Variants in DPP10 observed in about 807,000 individuals in gnomAD.
The protein encoded by DPP10 is dipeptidyl peptidase like 10.
Under a neutral mutation model 120.9 loss-of-function variants are expected in DPP10, and 33 were observed. That is an observed-to-expected ratio of 0.27 (90% CI 0.21 to 0.37). The LOEUF (loss-of-function observed/expected upper bound fraction) is 0.37, where lower values mean the gene tolerates loss of function less well. Among genes scored for constraint, DPP10 ranks in the 10% least tolerant of loss-of-function variants. The pLI is 1.00. For synonymous variants in DPP10, 337 were observed against 326.1 expected (o/e 1.03, Z -0.36); for missense variants, 816 against 942.8 (o/e 0.87, Z 1.76).
intron 1 of DPP10, among the ~76,000 whole-genome samples, chr2:115,013,091 C>T (rs923315465): frequency 1.3e-5 from 2 of 152,052 alleles, no homozygotes; most frequent in East Asian, 1.9e-4. Flanking sequence ...TTCATAGTGT[C>T]GATGGTCTTT....
intron 1 of DPP10, among the ~76,000 whole-genome samples, chr2:114,462,933 A>G (rs943360802): frequency 1.3e-5 from 2 of 152,148 alleles, no homozygotes; most frequent in Non-Finnish European, 2.9e-5. Context: ...GCCTACACCT[A>G]TCATTTTTGT....
intron 5 of DPP10, among the ~76,000 whole-genome samples, chr2:115,679,986 A>T (rs2090538191): frequency 6.6e-6 from 1 of 152,060 alleles, no homozygotes; most frequent in Admixed American, 6.6e-5. Flanking sequence ...AATCCTAAAG[A>T]GAGGATTTTG....
chr2:115,009,636 G>GA (rs1484329028), intron 1 of DPP10, among the ~76,000 whole-genome samples: 1 of 151,108 alleles, frequency 6.6e-6, no homozygotes, highest in East Asian at 1.9e-4. Flanking sequence ...ATATCCCTTG[G>GA]GCTAGGGGAG....
intron 1 of DPP10, among the ~76,000 whole-genome samples, chr2:115,280,359 T>C (rs2060108402): frequency 6.6e-6 from 1 of 152,170 alleles, no homozygotes; most frequent in African/African-American, 2.4e-5. Flanking sequence ...AATATGAGGC[T>C]GAGTAATGCA....
At chr2:115,764,669 T>A (rs989709329) in intron 12 of DPP10, among the ~76,000 whole-genome samples, 1 of 152,184 alleles carries the variant, frequency 6.6e-6, no homozygotes, top group African/African-American at 2.4e-5. Flanking sequence ...AATTTATGAA[T>A]GTTTAATAGA....
At position 115,808,917 on chromosome 2, in the gene DPP10, C is replaced by A. The variant is rs190891104; in HGVS notation, c.1701-5876C>A. Among the ~76,000 whole-genome samples, 28 of 152,204 alleles carry A rather than the reference C, an allele frequency of 1.8e-4. No homozygotes were observed. The South Asian group carries it at 2.3e-3, about 12-fold the overall frequency. On this transcript the variant is annotated intron_variant, in intron 19 of 25. Transcript: ENST00000410059. ...GAACTAGGAGATAGGGTCTTGGTAG[C>A]GGCATGAACAACCTTGATCGAATCA... is the stretch of plus-strand genomic sequence containing the variant.
intron 1 of DPP10, among the ~76,000 whole-genome samples, chr2:114,896,681 A>G (rs1262784704): frequency 6.6e-6 from 1 of 152,190 alleles, no homozygotes; most frequent in Non-Finnish European, 1.5e-5. Context: ...TCATCTGCAA[A>G]CAGGGACAAT....
intron 3 of DPP10, among the ~76,000 whole-genome samples, chr2:115,436,969 A>G (rs2071555976): frequency 6.6e-6 from 1 of 151,946 alleles, no homozygotes; most frequent in Admixed American, 6.6e-5. Context: ...GCAATTTCAC[A>G]AAGTATAAGA....
chr2:115,286,666 A>G (rs2060418030), intron 1 of DPP10, among the ~76,000 whole-genome samples: 1 of 149,314 alleles, frequency 6.7e-6, no homozygotes, highest in Non-Finnish European at 1.5e-5. Flanking sequence ...GTGTGGATTA[A>G]AAGTTTTGGA....
chr2:115,487,067 A>G lies in DPP10; in HGVS notation c.272-12443A>G, dbSNP rs139425654. On this transcript the variant is annotated intron_variant, in intron 3 of 25. Coordinates refer to ENST00000410059, the MANE Select transcript of DPP10 (RefSeq NM_020868.6). Reference sequence around the variant, plus strand: ...CTTTATCTTATTTACCAGGGATTTGATTCATTTTTTAAAACAACAGACAAA... The same window carrying G: ...CTTTATCTTATTTACCAGGGATTTGGTTCATTTTTTAAAACAACAGACAAA... Among the ~76,000 whole-genome samples, 957 of 152,206 alleles carry G rather than the reference A, an allele frequency of 6.3e-3. 12 individuals carry two copies. The highest frequency in any genetic ancestry group is 0.022 in the African/African-American group (917 of 41,542).
At chr2:115,459,449 G>C (rs1383674860) in intron 3 of DPP10, among the ~76,000 whole-genome samples, 1 of 152,064 alleles carries the variant, frequency 6.6e-6, no homozygotes, top group African/African-American at 2.4e-5. Context: ...GAGCTACCAC[G>C]CCCGGCTGTG....
intron 1 of DPP10, among the ~76,000 whole-genome samples, chr2:114,596,410 G>T (rs1691911165): frequency 6.6e-6 from 1 of 151,930 alleles, no homozygotes; most frequent in Non-Finnish European, 1.5e-5. Flanking sequence ...AAAAAGCCAG[G>T]TTTCCTTTAT....
chr2:115,596,256 T>C (rs2082980290), intron 5 of DPP10, among the ~76,000 whole-genome samples: 1 of 152,202 alleles, frequency 6.6e-6, no homozygotes, highest in African/African-American at 2.4e-5. Context: ...ACTGAATTTC[T>C]AAATTAAAGT....
chr2:114,764,057 G>A (rs762560488), intron 1 of DPP10, among the ~76,000 whole-genome samples: 3 of 152,100 alleles, frequency 2.0e-5, no homozygotes, highest in Non-Finnish European at 4.4e-5. Flanking sequence ...TGTTTCATGA[G>A]GATCAAAAGC....
chr2:115,824,048 A>G (rs370269874), intron 21 of DPP10, among the ~76,000 whole-genome samples: 1 of 152,238 alleles, frequency 6.6e-6, no homozygotes, highest in African/African-American at 2.4e-5. Context: ...GATGATATAT[A>G]TCTATATCTA....
intron 1 of DPP10, among the ~76,000 whole-genome samples, chr2:114,553,067 G>A (rs988464714): frequency 6.6e-6 from 1 of 152,162 alleles, no homozygotes; most frequent in Non-Finnish European, 1.5e-5. Context: ...CATTGCATGT[G>A]ATGTTGTTTA....
intron 1 of DPP10, among the ~76,000 whole-genome samples, chr2:114,871,771 G>A (rs1690707758): frequency 6.6e-6 from 1 of 152,162 alleles, no homozygotes; most frequent in Admixed American, 6.5e-5. Flanking sequence ...GTTGGGAACT[G>A]GGTCACACAG....
Position 114,809,282 on chromosome 2 carries a change from C to T in DPP10, c.60+366444C>T, listed in dbSNP as rs556737582. ...AGATTAGAAAGAACTATGTTTACTC[C>T]TCTGTAAGAAGGCCATTTAGATAAC... On this transcript the variant is annotated intron_variant, in intron 1 of 25. Transcript: ENST00000410059. Among the ~76,000 whole-genome samples, 30 of 152,280 alleles carry T rather than the reference C, an allele frequency of 2.0e-4. 2 individuals carry two copies. The highest frequency in any genetic ancestry group is 7.2e-4 in the African/African-American group (30 of 41,566).
intron 5 of DPP10, among the ~76,000 whole-genome samples, chr2:115,605,498 A>G (rs2083644738): frequency 6.6e-6 from 1 of 151,958 alleles, no homozygotes; most frequent in Non-Finnish European, 1.5e-5. Flanking sequence ...GAAGAAGTGC[A>G]TTTTTCTCCA....
Sources: gnomAD v4.1 joint callset for allele counts (sites outside exome capture counted in the v4.1 genomes callset) on GRCh38, gnomAD v4.1.1 for gene constraint, MANE v1.5 for transcripts, NCBI Gene and HGNC (gene_info 2026-07-23, HGNC 2026-07-21) for gene names.